Variants in SLC25A28 observed in about 807,000 individuals in gnomAD.
SLC25A28 encodes the protein solute carrier family 25 member 28, also known as mitoferrin-2.
In SLC25A28, 10 loss-of-function variants were observed where a neutral mutation model predicts 31.9. The observed-to-expected ratio is 0.31, with a 90% CI of 0.19 to 0.53. The LOEUF is 0.53. Ranked by LOEUF, SLC25A28 falls within the 20% of genes least tolerant of loss-of-function variation. SLC25A28 has a pLI of 0.95. For missense variants in SLC25A28, 256 were observed against 490.3 expected (o/e 0.52, Z 4.51); for synonymous variants, 208 against 203.6 (o/e 1.02, Z -0.19).
At chr10:99,642,358 G>A in the SLC25A28 span, among the ~76,000 whole-genome samples, 1 of 151,974 alleles carries the variant, frequency 6.6e-6, no homozygotes, top group Non-Finnish European at 1.5e-5. Flanking sequence ...TCATGATTTG[G>A]CTCTCTGCTT....
chr10:99,648,686 G>GTTTTTT, the SLC25A28 span, among the ~76,000 whole-genome samples: 2 of 119,806 alleles, frequency 1.7e-5, no homozygotes, highest in East Asian at 2.5e-4. Flanking sequence ...ATATTCCTAG[G>GTTTTTT]TTTTTTTTTT....
the SLC25A28 span, among the ~76,000 whole-genome samples, chr10:99,644,638 T>G: frequency 6.6e-6 from 1 of 152,250 alleles, no homozygotes; most frequent in Non-Finnish European, 1.5e-5. Context: ...TGATGCAGTT[T>G]CTTCCTAGCA....
At chr10:99,615,890 C>G in intron 1 of SLC25A28, 1 of 985,376 alleles carries the variant, frequency 1.0e-6, no homozygotes, top group Non-Finnish European at 1.2e-6. Context: ...CAATTCTGAA[C>G]GGTTTGGCTT....
the SLC25A28 span, among the ~76,000 whole-genome samples, chr10:99,658,568 TG>T: frequency 3.3e-3 from 495 of 152,058 alleles, 3 homozygotes; most frequent in African/African-American, 0.011. Context: ...ACCCTTAAGA[TG>T]GGTGGTAAGG....
chr10:99,645,941 A>G, the SLC25A28 span, among the ~76,000 whole-genome samples: 1 of 152,282 alleles, frequency 6.6e-6, no homozygotes, highest in Admixed American at 6.5e-5. Flanking sequence ...TCAGAGGGGC[A>G]CCCAGCCATA....
the SLC25A28 span, among the ~76,000 whole-genome samples, chr10:99,653,292 G>C: frequency 2.0e-5 from 3 of 152,280 alleles, no homozygotes; most frequent in South Asian, 6.2e-4. Flanking sequence ...TGTAATGAAG[G>C]TACTCAAGCA....
chr10:99,618,515 C>T (rs1171120273), intron 1 of SLC25A28: 2 of 985,430 alleles, frequency 2.0e-6, no homozygotes, highest in South Asian at 4.7e-5. Context: ...ACAAGTCATT[C>T]AACCTAGAGT....
the SLC25A28 span, among the ~76,000 whole-genome samples, chr10:99,626,937 T>G: frequency 6.6e-6 from 1 of 152,208 alleles, no homozygotes; most frequent in Admixed American, 6.5e-5. Context: ...GCCCTTTGTA[T>G]TTTTTTAAAA....
At chr10:99,638,616 G>A in the SLC25A28 span, among the ~76,000 whole-genome samples, 1 of 152,108 alleles carries the variant, frequency 6.6e-6, no homozygotes, top group Non-Finnish European at 1.5e-5. Flanking sequence ...TTATCAAAAA[G>A]TGGGCTAAGG....
At chr10:99,654,358 C>T in the SLC25A28 span, among the ~76,000 whole-genome samples, 1 of 152,128 alleles carries the variant, frequency 6.6e-6, no homozygotes, top group African/African-American at 2.4e-5. Context: ...ATCAAGAACC[C>T]AGTTTGCTTC....
At chr10:99,625,706 G>C in the SLC25A28 span, among the ~76,000 whole-genome samples, 1 of 152,168 alleles carries the variant, frequency 6.6e-6, no homozygotes, top group Non-Finnish European at 1.5e-5. Context: ...CTAAGTTCTA[G>C]TTAGTGGGAT....
chr10:99,645,141 A>C, the SLC25A28 span, among the ~76,000 whole-genome samples: 4 of 152,138 alleles, frequency 2.6e-5, no homozygotes, highest in East Asian at 3.9e-4. Context: ...TAATATCCTG[A>C]AGAGTGTTTT....
chr10:99,658,127 C>T, the SLC25A28 span, among the ~76,000 whole-genome samples: 1 of 152,110 alleles, frequency 6.6e-6, no homozygotes, highest in Non-Finnish European at 1.5e-5. Flanking sequence ...GTCGAGGCTG[C>T]AGTGAACCAC....
At chr10:99,647,165 T>G in the SLC25A28 span, among the ~76,000 whole-genome samples, 1 of 152,346 alleles carries the variant, frequency 6.6e-6, no homozygotes, top group South Asian at 2.1e-4. Context: ...TTTTTTCCAT[T>G]TGGATATATA....
chr10:99,617,247 A>T (rs2034679452), intron 1 of SLC25A28: 1 of 985,412 alleles, frequency 1.0e-6, no homozygotes, highest in Non-Finnish European at 1.2e-6. Context: ...ACTGGGATTT[A>T]TCTGGGCTCC....
In SLC25A28 at chr10:99,613,348, C is replaced by T; in HGVS notation, c.520+348G>A. 1.7e-6 allele frequency: 2 copies of T among 1,157,992 alleles called. No individual in the cohort carries two copies. The highest frequency in any genetic ancestry group is 4.1e-5 in the South Asian group (2 of 49,220). 71.7% of individuals were successfully genotyped at this position (1,157,992 alleles called of 1,614,324 possible). On this transcript the variant is annotated intron_variant, in intron 2 of 3. Coordinates refer to ENST00000370495, the MANE Select transcript of SLC25A28 (RefSeq NM_031212.4). This position sits in a 1 kb window ranked among gnomAD's most constrained non-coding sequence, Gnocchi z 4.9. ...TGGCTGGGTCGCCTCCAATCCTGCCCTAAGGAGCAGGACACCACCCAACTG... is the reference window on the plus strand; with the variant it reads ...TGGCTGGGTCGCCTCCAATCCTGCCTTAAGGAGCAGGACACCACCCAACTG...
chr10:99,630,781 C>T, the SLC25A28 span, among the ~76,000 whole-genome samples: 8 of 152,196 alleles, frequency 5.3e-5, no homozygotes, highest in African/African-American at 1.9e-4. Flanking sequence ...GGAAGACAGG[C>T]ATTAACCAAA....
chr10:99,629,864 G>T, the SLC25A28 span, among the ~76,000 whole-genome samples: 3 of 152,192 alleles, frequency 2.0e-5, no homozygotes, highest in African/African-American at 7.2e-5. Flanking sequence ...AAATGCCACT[G>T]AATAGTCCAC....
At chr10:99,635,701 CAACT>C in the SLC25A28 span, among the ~76,000 whole-genome samples, 1 of 149,254 alleles carries the variant, frequency 6.7e-6, no homozygotes, top group South Asian at 2.1e-4. Context: ...GCTCACCAAC[CAACT>C]ATCTGCTGCC....
Sources: allele counts gnomAD v4.1 joint callset (sites outside exome capture counted in the v4.1 genomes callset), GRCh38; gene constraint gnomAD v4.1.1; non-coding constraint Gnocchi (gnomAD v3.1); transcripts MANE v1.5; gene names NCBI Gene and HGNC (gene_info 2026-07-23, HGNC 2026-07-21).